Variants in AHCYL2 observed in about 807,000 individuals in gnomAD.
AHCYL2 encodes the protein S-adenosylhomocysteine hydrolase-like protein 2.
In AHCYL2, 28 loss-of-function variants were observed where a neutral mutation model predicts 81.4. That is an observed-to-expected ratio of 0.34 (90% confidence interval 0.25 to 0.47). AHCYL2 has a LOEUF of 0.47. AHCYL2 is among the 20% of genes least tolerant of loss of function. The probability of loss-of-function intolerance (pLI) is 1.00; values close to 1 mark genes in which losing one functional copy is unlikely to be tolerated. For missense variants in AHCYL2, 551 were observed against 785.1 expected (o/e 0.70, Z 3.56); for synonymous variants, 272 against 290.2 (o/e 0.94, Z 0.64).
chr7:129,265,605 G>C (rs753417815), intron 1 of AHCYL2, among the ~76,000 whole-genome samples: 39 of 152,158 alleles, frequency 2.6e-4, no homozygotes, highest in Non-Finnish European at 4.7e-4. Flanking sequence ...GAGTAAGTAA[G>C]GGGGAGAGTT....
intron 1 of AHCYL2, among the ~76,000 whole-genome samples, chr7:129,273,098 C>T (rs1796075328): frequency 6.6e-6 from 1 of 151,834 alleles, no homozygotes; most frequent in African/African-American, 2.4e-5. Flanking sequence ...GACAGGGTTT[C>T]ACCATATCAG....
intron 1 of AHCYL2, among the ~76,000 whole-genome samples, chr7:129,361,541 C>A (rs1325468211): frequency 1.3e-5 from 2 of 152,134 alleles, no homozygotes; most frequent in South Asian, 2.1e-4. Context: ...ATGAATTCTT[C>A]ATGTATAAGA....
At chr7:129,269,079 T>C (rs1584724948) in intron 1 of AHCYL2, among the ~76,000 whole-genome samples, 1 of 152,200 alleles carries the variant, frequency 6.6e-6, no homozygotes. Context: ...TGTAGACCTT[T>C]TGGCTTTCAA....
chr7:129,265,880 C>T (rs903505189), intron 1 of AHCYL2, among the ~76,000 whole-genome samples: 3 of 152,004 alleles, frequency 2.0e-5, no homozygotes, highest in Non-Finnish European at 4.4e-5. Flanking sequence ...CAGATAATAG[C>T]GGTGACGATG....
At chr7:129,349,205 T>G (rs773075142) in intron 1 of AHCYL2, among the ~76,000 whole-genome samples, 5 of 152,122 alleles carry the variant, frequency 3.3e-5, no homozygotes, top group Non-Finnish European at 5.9e-5. Context: ...CTATCTAGGT[T>G]TACTCTGTAT....
intron 1 of AHCYL2, among the ~76,000 whole-genome samples, chr7:129,367,640 C>G (rs1005281707): frequency 6.6e-6 from 1 of 152,194 alleles, no homozygotes; most frequent in African/African-American, 2.4e-5. Flanking sequence ...GAAACCCTGG[C>G]TGTCCTCTAA....
chr7:129,273,183 T>C (rs908026697), intron 1 of AHCYL2, among the ~76,000 whole-genome samples: 5 of 152,122 alleles, frequency 3.3e-5, no homozygotes, highest in Non-Finnish European at 7.4e-5. Context: ...ATTATAGGCA[T>C]GAGCCACTGC....
intron 1 of AHCYL2, among the ~76,000 whole-genome samples, chr7:129,319,910 T>C (rs1178402093): frequency 1.3e-5 from 2 of 152,226 alleles, no homozygotes; most frequent in Non-Finnish European, 2.9e-5. Context: ...GCTTTCATTT[T>C]TTTTTTTAGG....
intron 1 of AHCYL2, among the ~76,000 whole-genome samples, chr7:129,336,065 T>C (rs1563201552): frequency 8.7e-6 from 1 of 115,188 alleles, no homozygotes; most frequent in Non-Finnish European, 1.6e-5. Flanking sequence ...TCTTCTCTTT[T>C]CTTTCCTTTT....
chr7:129,311,763 G>A (rs1797666653), intron 1 of AHCYL2, among the ~76,000 whole-genome samples: 1 of 152,084 alleles, frequency 6.6e-6, no homozygotes, highest in Non-Finnish European at 1.5e-5. Context: ...CTTCCAGATG[G>A]TCTCTGCTTC....
chr7:129,423,784 G>A (rs1396443618), intron 13 of AHCYL2, among the ~76,000 whole-genome samples: 5 of 151,796 alleles, frequency 3.3e-5, no homozygotes, highest in Admixed American at 2.6e-4. Flanking sequence ...TGTCCTTACT[G>A]TTTTCTTCAC....
At position 129,377,614 on chromosome 7, in the gene AHCYL2, A is replaced by T. The variant is rs1476386634; in HGVS notation, c.364-2024A>T. ...CTGCCCATCAAGGAACCATCTTTTT[A>T]TCATTAAAGGTAGAGTCACTTGTCA... On this transcript the variant is annotated intron_variant, in intron 1 of 16. Transcript: ENST00000325006. 3 of 456,514 alleles carry T rather than the reference A, an allele frequency of 6.6e-6. No homozygotes were observed. In the East Asian group the frequency reaches 2.1e-4, roughly 32 times the overall value. 28.3% of individuals were successfully genotyped at this position (456,514 alleles called of 1,614,324 possible).
At chr7:129,393,107 T>C (rs1380415552) in intron 4 of AHCYL2, among the ~76,000 whole-genome samples, 2 of 152,204 alleles carry the variant, frequency 1.3e-5, no homozygotes, top group Admixed American at 1.3e-4. Context: ...AAAGTTTTTT[T>C]CCCAGTTTAT....
At chr7:129,236,180 G>A (rs551985082) in intron 1 of AHCYL2, among the ~76,000 whole-genome samples, 56 of 151,348 alleles carry the variant, frequency 3.7e-4, no homozygotes, top group Non-Finnish European at 3.1e-4. Context: ...ACGCTGCCAC[G>A]CCCAGCTAAT....
chr7:129,400,557 G>C (rs935648244), intron 6 of AHCYL2, among the ~76,000 whole-genome samples, 173 bp downstream of exon 6: 3 of 152,168 alleles, frequency 2.0e-5, no homozygotes, highest in African/African-American at 7.2e-5. Flanking sequence ...TACCCCAAGA[G>C]TATTGAAGCT....
At chr7:129,381,502 A>T (rs1484365591) in intron 2 of AHCYL2, among the ~76,000 whole-genome samples, 4 of 152,162 alleles carry the variant, frequency 2.6e-5, no homozygotes, top group African/African-American at 9.7e-5. Flanking sequence ...TAAGTCAAAA[A>T]TTGTCTACCT....
chr7:129,357,851 G>A (rs911147927), intron 1 of AHCYL2, among the ~76,000 whole-genome samples: 11 of 151,144 alleles, frequency 7.3e-5, no homozygotes, highest in African/African-American at 9.7e-5. Context: ...GGAGAATAGC[G>A]TGAATCCAGG....
rs1329603766 is a variant in AHCYL2, at chr7:129,389,667, C to G, written c.653C>G (p.Ala218Gly). ...GCATTGATGGCTTTGAGGAAGAGAG[C>G]TCAAGGAGAAAAGCCTTTGGCTGGA... ...MPALMALRKR[A>G]QGEKPLAGAK... The change falls in exon 4 of 17, where the codon GCT (alanine) becomes GGT (glycine). Residue 218 changes from alanine (A) to glycine (G), a missense_variant. This residue lies in a region of AHCYL2 where 316 missense variants were observed against 543.1 expected (regional missense o/e 0.58). Coordinates refer to ENST00000325006, the MANE Select transcript of AHCYL2 (RefSeq NM_015328.4). 1 of 1,613,802 alleles carries G rather than the reference C, an allele frequency of 6.2e-7. No individual in the cohort carries two copies. Among genetic ancestry groups the G allele is most frequent in the Non-Finnish European group, 8.5e-7 (1 of 1,179,830 alleles).
chr7:129,422,983 C>A (rs1009768793), intron 13 of AHCYL2, 45 bp downstream of exon 13: 1 of 1,544,848 alleles, frequency 6.5e-7, no homozygotes, highest in Admixed American at 1.7e-5. Context: ...ACAGGAGAGA[C>A]TGCAATACCC....
Sources: allele counts gnomAD v4.1 joint callset (sites outside exome capture counted in the v4.1 genomes callset), GRCh38; gene constraint gnomAD v4.1.1; regional missense constraint gnomAD v4.1.1; transcripts MANE v1.5; gene names NCBI Gene and HGNC (gene_info 2026-07-23, HGNC 2026-07-21).